The following ZNF180 variants were observed in gnomAD, a reference collection of about 807,000 sequenced individuals.
ZNF180 encodes zinc finger protein 180 (HHZ168).
In ZNF180, 11 loss-of-function variants were observed where a neutral mutation model predicts 11.8. The ratio of observed to expected loss-of-function variants is 0.93; its 90% confidence interval spans 0.59 to 1.55. The LOEUF is 1.55. ZNF180 is among the 40% of genes most tolerant of loss of function. The probability of loss-of-function intolerance (pLI) is 0.00; values close to 1 mark genes in which losing one functional copy is unlikely to be tolerated. For missense variants in ZNF180, 773 were observed against 781.7 expected, an observed-to-expected ratio of 0.99 and a Z score of 0.13; for synonymous variants, 287 against 257.7, an observed-to-expected ratio of 1.11 and a Z score of -1.09.
At chr19:44,482,117 G>C (rs1027466915) in intron 3 of ZNF180, among the ~76,000 whole-genome samples, 1 of 152,106 alleles carries the variant, frequency 6.6e-6, no homozygotes, top group Non-Finnish European at 1.5e-5. Context: ...ACCAGCCTGG[G>C]CAACATGGTG....
chr19:44,481,032 G>C (rs1175525258), intron 3 of ZNF180, among the ~76,000 whole-genome samples: 1 of 152,166 alleles, frequency 6.6e-6, no homozygotes, highest in East Asian at 1.9e-4. Context: ...GACGTTTGCT[G>C]TTATTACTGC....
At chr19:44,490,450 C>T (rs1970423549) in intron 2 of ZNF180, among the ~76,000 whole-genome samples, 1 of 152,070 alleles carries the variant, frequency 6.6e-6, no homozygotes, top group Non-Finnish European at 1.5e-5. Context: ...AAGTTTTGAC[C>T]CCAAACTGTT....
chr19:44,479,624 G>C, intron 3 of ZNF180: 1 of 571,546 alleles, frequency 1.7e-6, no homozygotes, highest in Non-Finnish European at 3.1e-6. Flanking sequence ...CAACTCCAAA[G>C]AGGAATACCA....
rs1261221806 is a variant in ZNF180 at position 44,476,023 on chromosome 19, G to C, written c.*379C>G. The C allele has an allele frequency of 5.9e-6, 1 of 169,696 alleles. No homozygotes were observed. The highest frequency in any genetic ancestry group is 2.4e-5 in the African/African-American group (1 of 41,832). The allele number at this position is 169,696 out of a possible 1,614,324, so 10.5% of individuals were successfully genotyped here. On this transcript the variant is annotated 3_prime_UTR_variant, in exon 5 of 5. Transcript: ENST00000592529. ...AGCAACCTTTAAATTTTCTCAATAA[G>C]CCCACTAGTGTTAGCATTCCATTTA...
chr19:44,477,566 T>C lies in ZNF180; in HGVS notation c.834A>G (p.Glu278=). The C allele has an allele frequency of 6.2e-7, 1 of 1,614,140 alleles. No individual in the cohort carries two copies. Among genetic ancestry groups the C allele is most frequent in the Non-Finnish European group, 8.5e-7 (1 of 1,180,014 alleles). Residue 278 remains glutamate, a synonymous_variant, in exon 5 of 5, where the codon GAA becomes GAG. Transcript: ENST00000592529. ...HGGGKTFDFK[E]CGQVLNPKIS... is the part of the protein sequence containing the mutation. ...TTTTGGGGTTCAAAACCTGCCCACA[T>C]TCTTTAAAATCAAAGGTTTTTCCTC...
chr19:44,474,545 T>C lies in ZNF180; in HGVS notation c.*1857A>G, dbSNP rs187217766. 9 of 152,364 alleles carry C rather than the reference T, an allele frequency of 5.9e-5. No homozygotes were observed. Among genetic ancestry groups the C allele is most frequent in the Admixed American group, 5.2e-4 (8 of 15,312 alleles). The allele number at this position is 152,364 out of a possible 1,614,324, so 9.4% of individuals were successfully genotyped here. On this transcript the variant is annotated 3_prime_UTR_variant, in exon 5 of 5. Transcript: ENST00000592529. ...CTAATATTCGACCATATCATTTCTT[T>C]CTTTACACGACTTGTGAGATAAGTA... is the stretch of plus-strand genomic sequence containing the variant.
In ZNF180 at chr19:44,476,655, T is replaced by G; in HGVS notation, c.1745A>C (p.Gln582Pro). 6.2e-7 allele frequency: 1 copy of G among 1,614,202 alleles called. No homozygotes were observed. The highest frequency in any genetic ancestry group is 8.5e-7 in the Non-Finnish European group (1 of 1,180,006). ...HTGEKPYECS[Q>P]CGKSFRQSSC... ...ACTCTGTCTGAAGGACTTCCCACAT[T>G]GACTGCATTCATAGGGCTTTTCTCC... Residue 582 changes from glutamine (Q) to proline (P), a missense_variant, in exon 5 of 5, where the codon CAA (glutamine) becomes CCA (proline). Gln to Pro is a moderately conservative substitution (Grantham distance 76). Coordinates refer to ENST00000592529, the MANE Select transcript of ZNF180 (RefSeq NM_001278509.3).
chr19:44,498,220 A>G (rs1292080634), intron 1 of ZNF180, among the ~76,000 whole-genome samples: 1 of 152,154 alleles, frequency 6.6e-6, no homozygotes, highest in Non-Finnish European at 1.5e-5. Context: ...GCCAGACAAA[A>G]GCAGCCCTAC....
chr19:44,492,233 A>G (rs929607685), intron 2 of ZNF180, among the ~76,000 whole-genome samples: 5 of 152,112 alleles, frequency 3.3e-5, no homozygotes, highest in Admixed American at 6.6e-5. Flanking sequence ...TGTATTTTTT[A>G]TCTTTGTATT....
chr19:44,477,016 C>T lies in ZNF180; in HGVS notation c.1384G>A (p.Gly462Arg). Residue 462 changes from glycine to arginine, a missense_variant, in exon 5 of 5, where the codon GGG becomes AGG. By Grantham distance (125) the Gly-to-Arg change is moderately radical. Transcript: ENST00000592529. ...KLIAHQRIHTGEKPYECNQCG... is the reference protein window; with the variant it reads ...KLIAHQRIHTREKPYECNQCG... ...TGATTGCATTCATAGGGTTTTTCCC[C>T]AGTATGAATTCTTTGATGTGCAATA... The T allele has an allele frequency of 6.2e-7, 1 of 1,614,082 alleles. No homozygotes were observed. The highest frequency in any genetic ancestry group is 8.5e-7 in the Non-Finnish European group (1 of 1,180,012).
chr19:44,492,794 GGAAACCCTCTATATCTGTGA>G (rs1970483030), intron 2 of ZNF180, among the ~76,000 whole-genome samples: 1 of 151,856 alleles, frequency 6.6e-6, no homozygotes, highest in Non-Finnish European at 1.5e-5. Context: ...TCTACTGGCA[GGAAACCCTCTATATCTGTGA>G]GAACATTTAG....
intron 4 of ZNF180, 67 bp downstream of exon 4, chr19:44,479,216 C>A: frequency 6.4e-7 from 1 of 1,572,146 alleles, no homozygotes; most frequent in South Asian, 1.2e-5. Context: ...TTTCACAGTT[C>A]TTAATCGATC....
chr19:44,493,551 G>A (rs887172380), intron 2 of ZNF180, among the ~76,000 whole-genome samples: 1 of 152,198 alleles, frequency 6.6e-6, no homozygotes, highest in Non-Finnish European at 1.5e-5. Context: ...TGAGAAGTGT[G>A]GTAGCCAGAC....
rs1251567802 is a variant in ZNF180, at chr19:44,490,085, G to C, written c.52-5650C>G. Reference sequence around the variant, plus strand: ...GAAAGGAAGGGAAAGAAAGAGGGAAGGGAAGGGAAAGAGCGAAAGGAAGGG... The same window carrying C: ...GAAAGGAAGGGAAAGAAAGAGGGAACGGAAGGGAAAGAGCGAAAGGAAGGG... On this transcript the variant is annotated intron_variant, in intron 2 of 4. Coordinates refer to ENST00000592529, the MANE Select transcript of ZNF180 (RefSeq NM_001278509.3). Among the ~76,000 whole-genome samples the C allele has an allele frequency of 2.3e-5, 3 of 130,886 alleles. 1 individual carries two copies. Among genetic ancestry groups the C allele is most frequent in the Non-Finnish European group, 3.3e-5 (2 of 60,878 alleles). The allele number at this position is 130,886 out of a possible 152,430, so 85.9% of individuals were successfully genotyped here.
chr19:44,481,068 C>T (rs187701974), intron 3 of ZNF180, among the ~76,000 whole-genome samples: 44 of 152,268 alleles, frequency 2.9e-4, no homozygotes, highest in Admixed American at 2.8e-3. Flanking sequence ...TCTTGGGCTG[C>T]CTCCTCTAAG....
Position 44,500,402 on chromosome 19 carries a change from G to A in ZNF180, c.-171C>T. On this transcript the variant is annotated 5_prime_UTR_variant, in exon 1 of 5. Coordinates refer to ENST00000592529, the MANE Select transcript of ZNF180 (RefSeq NM_001278509.3). ...CGATTCTGCAACACGGCCGACTCGG[G>A]TTAAGCTAGTTCGGTCCCCTCTCCT... is the stretch of plus-strand genomic sequence containing the variant. 1.2e-6 allele frequency: 1 copy of A among 810,882 alleles called. No individual in the cohort carries two copies. The highest frequency in any genetic ancestry group is 3.3e-4 in the Middle Eastern group (1 of 3,010). 50.2% of individuals were successfully genotyped at this position (810,882 alleles called of 1,614,324 possible).
intron 1 of ZNF180, 112 bp downstream of exon 1, chr19:44,500,157 GCGCCAC>G: frequency 6.2e-7 from 1 of 1,614,050 alleles, no homozygotes; most frequent in Non-Finnish European, 8.5e-7. Flanking sequence ...CGAGGCTAAA[GCGCCAC>G]CCGCACAGAT....
Position 44,476,660 on chromosome 19 carries a change from G to A in ZNF180, c.1740C>T (p.Cys580=). The part of the protein sequence containing the change: ...RTHTGEKPYE[C]SQCGKSFRQS... ...GTCTGAAGGACTTCCCACATTGACT[G>A]CATTCATAGGGCTTTTCTCCAGTAT... The change falls in exon 5 of 5, where the codon TGC becomes TGT. Residue 580 remains cysteine (C), a synonymous_variant. Coordinates refer to ENST00000592529, the MANE Select transcript of ZNF180 (RefSeq NM_001278509.3). 1 of 1,614,030 alleles carries A rather than the reference G, an allele frequency of 6.2e-7. No homozygotes were observed. Among genetic ancestry groups the A allele is most frequent in the Non-Finnish European group, 8.5e-7 (1 of 1,179,976 alleles).
intron 3 of ZNF180, among the ~76,000 whole-genome samples, chr19:44,480,490 G>A (rs1414407709): frequency 1.3e-5 from 2 of 152,168 alleles, no homozygotes; most frequent in East Asian, 1.9e-4. Flanking sequence ...GAATAATTAC[G>A]ATGATCTATG....
Sources: gnomAD v4.1 joint callset for allele counts (sites outside exome capture counted in the v4.1 genomes callset) on GRCh38, gnomAD v4.1.1 for gene constraint, MANE v1.5 for transcripts, NCBI Gene and HGNC (gene_info 2026-07-23, HGNC 2026-07-21) for gene names.